Variants in ENPP3 observed in about 807,000 individuals in gnomAD.
The protein encoded by ENPP3 is ectonucleotide pyrophosphatase/phosphodiesterase family member 3.
A neutral mutation model predicts 117.8 loss-of-function variants in ENPP3; 104 were observed. That is an observed-to-expected ratio of 0.88 (90% confidence interval 0.75 to 1.04). ENPP3 has a LOEUF of 1.04. ENPP3 is among the 50% of genes least tolerant of loss of function. The pLI, the probability that ENPP3 is intolerant of heterozygous loss-of-function variation, is 0.00. For synonymous variants in ENPP3, 380 were observed against 349.9 expected (o/e 1.09, Z -0.96); for missense variants, 1,026 against 1,051.9 (o/e 0.98, Z 0.34).
chr6:131,669,475 C>G (rs376751098), intron 6 of ENPP3, among the ~76,000 whole-genome samples: 13 of 151,738 alleles, frequency 8.6e-5, no homozygotes, highest in South Asian at 4.2e-4. Context: ...GAGATCGAGA[C>G]AAGCCTGGCT....
chr6:131,648,251 C>T (rs17060499), intron 2 of ENPP3, among the ~76,000 whole-genome samples: 48,531 of 151,060 alleles, frequency 0.32, 10,449 homozygotes, highest in African/African-American at 0.61. Context: ...TGAGAATTAT[C>T]ACTTTTAGTG....
At chr6:131,658,474 A>T in intron 6 of ENPP3, 54 bp downstream of exon 6, 1 of 938,428 alleles carries the variant, frequency 1.1e-6, no homozygotes, top group Non-Finnish European at 1.7e-6. Flanking sequence ...TAGTTAGTCA[A>T]TCTCTAGAGG....
At chr6:131,654,594 C>T (rs1330615618) in intron 5 of ENPP3, among the ~76,000 whole-genome samples, 1 of 152,060 alleles carries the variant, frequency 6.6e-6, no homozygotes, top group African/African-American at 2.4e-5. Flanking sequence ...AAGCATGTGC[C>T]ACCATTCTCA....
chr6:131,717,140 C>T (rs2114517976), intron 15 of ENPP3, among the ~76,000 whole-genome samples: 1 of 152,224 alleles, frequency 6.6e-6, no homozygotes, highest in African/African-American at 2.4e-5. Context: ...CCTGGCCTCT[C>T]TTTTCTTCCC....
intron 6 of ENPP3, among the ~76,000 whole-genome samples, chr6:131,659,533 T>C (rs534436906): frequency 4.6e-5 from 7 of 152,162 alleles, no homozygotes; most frequent in Non-Finnish European, 1.0e-4. Context: ...TGACTCTGGG[T>C]AAGTTGACTG....
intron 24 of ENPP3, among the ~76,000 whole-genome samples, chr6:131,745,511 T>G (rs1211530804): frequency 6.6e-6 from 1 of 151,962 alleles, no homozygotes; most frequent in Non-Finnish European, 1.5e-5. Flanking sequence ...TTTAGCAATA[T>G]CATATGAATA....
chr6:131,643,807 G>T (rs772670139), intron 2 of ENPP3, among the ~76,000 whole-genome samples: 1 of 151,886 alleles, frequency 6.6e-6, no homozygotes, highest in Non-Finnish European at 1.5e-5. Flanking sequence ...ATCCTTCCAG[G>T]AGTTTATATT....
intron 20 of ENPP3, among the ~76,000 whole-genome samples, chr6:131,726,522 A>G (rs1030796695): frequency 1.3e-5 from 2 of 152,216 alleles, no homozygotes; most frequent in Admixed American, 6.5e-5. Flanking sequence ...AAGATTCCCC[A>G]TGTACATCAT....
rs1268783923 is a variant in ENPP3 at position 131,737,339 on chromosome 6, T to C, written c.2090-16T>C. ...TCTCTTATAGCTAGATCTAATAAGATCCATTTGTTTTGCAGCCAGCAATAG... is the reference window on the plus strand; with the variant it reads ...TCTCTTATAGCTAGATCTAATAAGACCCATTTGTTTTGCAGCCAGCAATAG... On this transcript the variant is annotated splice_polypyrimidine_tract_variant and intron_variant, in intron 21 of 24. Coordinates refer to ENST00000357639, the MANE Select transcript of ENPP3 (RefSeq NM_005021.5). 8.9e-6 allele frequency: 14 copies of C among 1,564,982 alleles called. No individual in the cohort carries two copies. The highest frequency in any genetic ancestry group is 1.2e-5 in the Non-Finnish European group (14 of 1,138,238).
intron 6 of ENPP3, among the ~76,000 whole-genome samples, chr6:131,663,751 G>T (rs1032320541): frequency 6.6e-6 from 1 of 151,552 alleles, no homozygotes; most frequent in Non-Finnish European, 1.5e-5. Context: ...ATGTCATAGT[G>T]CAATGCATTA....
intron 6 of ENPP3, 116 bp from the exon 7 acceptor site, chr6:131,671,132 A>G (rs1465789838): frequency 1.4e-6 from 1 of 695,038 alleles, no homozygotes; most frequent in East Asian, 2.7e-5. Flanking sequence ...TCCATCTTTA[A>G]TCCACTTTTT....
rs1562446830 is a variant in ENPP3, at chr6:131,679,019, TTC to T, written c.1011+1080_1011+1081del. ...CTTCCTTGCTTCCTTCCTTCCTTCCTTCCTTCCTTCTTTCTTTCTTTCTTTCT... is the reference window on the plus strand; with the variant it reads ...CTTCCTTGCTTCCTTCCTTCCTTCCTCTTCCTTCTTTCTTTCTTTCTTTCT... On this transcript the variant is annotated intron_variant, in intron 11 of 24. Transcript: ENST00000357639. 1.7e-4 allele frequency among the ~76,000 whole-genome samples: 17 copies of T among 102,188 alleles called. 1 individual carries two copies. Among genetic ancestry groups the T allele is most frequent in the African/African-American group, 7.5e-4 (17 of 22,796 alleles). The allele number at this position is 102,188 out of a possible 152,430, so 67.0% of individuals were successfully genotyped here.
At chr6:131,678,907 C>CTTTCTT (rs1335245559) in intron 11 of ENPP3, among the ~76,000 whole-genome samples, 17 of 71,762 alleles carry the variant, frequency 2.4e-4, no homozygotes, top group Non-Finnish European at 4.5e-4. Context: ...CTTTCTTTCT[C>CTTTCTT]TCTTTCTTTC....
chr6:131,683,938 C>T (rs1191083317), intron 12 of ENPP3, among the ~76,000 whole-genome samples: 3 of 151,778 alleles, frequency 2.0e-5, no homozygotes, highest in African/African-American at 4.8e-5. Context: ...TTTTTAGTAG[C>T]GATGGGGTTT....
rs763135955 is a variant in ENPP3, at chr6:131,701,309, G to A, written c.1412+7685G>A. The stretch of plus-strand genomic sequence containing the variant: ...CCAGCAGGGTGAAGACGTAGAACAG[G>A]GAGAAGAGCCCAAAGAGGAGCATCT... On this transcript the variant is annotated intron_variant, in intron 15 of 24. Coordinates refer to ENST00000357639, the MANE Select transcript of ENPP3 (RefSeq NM_005021.5). 3.7e-6 allele frequency: 6 copies of A among 1,602,978 alleles called. No homozygotes were observed. In the East Asian group the frequency reaches 1.1e-4, roughly 30 times the overall value.
chr6:131,652,729 T>G lies in ENPP3; in HGVS notation c.403+62T>G, dbSNP rs1366694910. The G allele has an allele frequency of 3.1e-6, 5 of 1,608,034 alleles. No individual in the cohort carries two copies. The African/African-American group carries it at 6.7e-5, about 22-fold the overall frequency. ...GTTTAGAGGAACTCCATGAGTTTCCTAGAGCCATGCTAGGCTGCAAAAATC... is the reference window on the plus strand; with the variant it reads ...GTTTAGAGGAACTCCATGAGTTTCCGAGAGCCATGCTAGGCTGCAAAAATC... On this transcript the variant is annotated intron_variant, in intron 4 of 24. Coordinates refer to ENST00000357639, the MANE Select transcript of ENPP3 (RefSeq NM_005021.5).
At chr6:131,717,723 A>G (rs796427427) in intron 15 of ENPP3, among the ~76,000 whole-genome samples, 12 of 152,328 alleles carry the variant, frequency 7.9e-5, no homozygotes, top group African/African-American at 2.9e-4. Flanking sequence ...CATAATTATA[A>G]TAATAATCTC....
At chr6:131,675,873 A>G (rs1778857269) in intron 9 of ENPP3, among the ~76,000 whole-genome samples, 1 of 152,078 alleles carries the variant, frequency 6.6e-6, no homozygotes, top group African/African-American at 2.4e-5. Context: ...ATAAAATAAA[A>G]TGCAAGTCCA....
intron 7 of ENPP3, among the ~76,000 whole-genome samples, chr6:131,672,067 G>A (rs1778755051): frequency 6.6e-6 from 1 of 152,022 alleles, no homozygotes; most frequent in Non-Finnish European, 1.5e-5. Context: ...CTGTATTTGT[G>A]GGTTTGCTTA....
Sources: allele counts gnomAD v4.1 joint callset (sites outside exome capture counted in the v4.1 genomes callset), GRCh38; gene constraint gnomAD v4.1.1; transcripts MANE v1.5; gene names NCBI Gene and HGNC (gene_info 2026-07-23, HGNC 2026-07-21).